TTN: variants seen among roughly 807,000 people sequenced by gnomAD.
The protein encoded by TTN is titin.
A neutral mutation model predicts 3,223.0 loss-of-function variants in TTN; 1,525 were observed. That is an observed-to-expected ratio of 0.47 (90% confidence interval 0.45 to 0.49). The LOEUF is 0.49. Among genes scored for constraint, TTN ranks in the 20% least tolerant of loss-of-function variants. The pLI, the probability that TTN is intolerant of heterozygous loss-of-function variation, is 0.00. For missense variants in TTN, 40,786 were observed against 43,424.0 expected (o/e 0.94, Z 5.40); for synonymous variants, 14,094 against 15,161.0 (o/e 0.93, Z 5.17).
Position 178,779,913 on chromosome 2 carries a change from C to G in TTN, c.3729+87G>C. 3.6e-6 allele frequency: 5 copies of G among 1,378,572 alleles called. No individual in the cohort carries two copies. The South Asian group carries it at 6.2e-5, about 17-fold the overall frequency. 85.4% of individuals were successfully genotyped at this position (1,378,572 alleles called of 1,614,324 possible). On this transcript the variant is annotated intron_variant, in intron 22 of 362. Coordinates refer to ENST00000589042, the MANE Select transcript of TTN (RefSeq NM_001267550.2). Reference sequence around the variant, plus strand: ...CTTCTAATAGCTGTCTAACCCCGAGCTCATCACTTGAAAATGAAAATATCA... The same window carrying G: ...CTTCTAATAGCTGTCTAACCCCGAGGTCATCACTTGAAAATGAAAATATCA...
rs1471268523 is a variant in TTN, at chr2:178,608,818, C to A, written c.52193G>T (p.Gly17398Val). 1.2e-6 allele frequency: 2 copies of A among 1,612,336 alleles called. No homozygotes were observed. Among genetic ancestry groups the A allele is most frequent in the African/African-American group, 2.7e-5 (2 of 74,830 alleles). ...CKWEPPLDDGGSEIINYTLEK... is the reference protein window; with the variant it reads ...CKWEPPLDDGVSEIINYTLEK... Reference sequence around the variant, plus strand: ...CAAAGTGTAGTTTATGATTTCACTGCCACCATCATCAAGGGGTGGTTCCCA... The same window carrying A: ...CAAAGTGTAGTTTATGATTTCACTGACACCATCATCAAGGGGTGGTTCCCA... The change falls in exon 274 of 363, where the codon GGC becomes GTC. Residue 17398 changes from glycine (G) to valine (V), a missense_variant. Physicochemically the swap from Gly to Val is moderately radical, Grantham distance 109. Coordinates refer to ENST00000589042, the MANE Select transcript of TTN (RefSeq NM_001267550.2).
At position 178,651,527 on chromosome 2, in the gene TTN, A is replaced by G. The variant is rs1553769611; in HGVS notation, c.39473T>C (p.Val13158Ala). The G allele has an allele frequency of 6.2e-7, 1 of 1,612,462 alleles. No individual in the cohort carries two copies. Among genetic ancestry groups the G allele is most frequent in the African/African-American group, 1.3e-5 (1 of 74,792 alleles). The change falls in exon 207 of 363, where the codon GTG becomes GCG. Residue 13158 changes from valine to alanine, a missense_variant. Physicochemically the swap from Val to Ala is moderately conservative, Grantham distance 64 (BLOSUM62 0). Transcript: ENST00000589042. ...PELPPVKVPE[V>A]PKEVVPEKKV... ...CTTTTCAGGAACAACCTCCTTGGGCACCTCGGGCACTATAAAAGATATTAG... is the reference window on the plus strand; with the variant it reads ...CTTTTCAGGAACAACCTCCTTGGGCGCCTCGGGCACTATAAAAGATATTAG...
At position 178,710,639 on chromosome 2, in the gene TTN, T is replaced by G. The variant is rs1462361905; in HGVS notation, c.28458A>C (p.Ile9486=). Reference sequence around the variant, plus strand: ...CACTTGCAAAATAAACGATACCTTTTATATTCAGCTGAGCTGTGCAAGAGT... The same window carrying G: ...CACTTGCAAAATAAACGATACCTTTGATATTCAGCTGAGCTGTGCAAGAGT... ...GKDSCTAQLN[I]KERLIPPSFT... Residue 9486 remains isoleucine, a synonymous_variant, in exon 98 of 363, where the codon ATA becomes ATC. Coordinates refer to ENST00000589042, the MANE Select transcript of TTN (RefSeq NM_001267550.2). 9 of 1,602,690 alleles carry G rather than the reference T, an allele frequency of 5.6e-6. No homozygotes were observed. Among genetic ancestry groups the G allele is most frequent in the Non-Finnish European group, 7.7e-6 (9 of 1,172,318 alleles).
chr2:178,673,984 A>C (rs1477213905), intron 151 of TTN, among the ~76,000 whole-genome samples: 1 of 151,778 alleles, frequency 6.6e-6, no homozygotes, highest in African/African-American at 2.4e-5. Context: ...GAACACTTTC[A>C]CCAGAGAAAT....
Position 178,579,637 on chromosome 2 carries a change from G to C in TTN, c.67560C>G (p.Thr22520=). 1 of 1,613,306 alleles carries C rather than the reference G, an allele frequency of 6.2e-7. No individual in the cohort carries two copies. Among genetic ancestry groups the C allele is most frequent in the Non-Finnish European group, 8.5e-7 (1 of 1,179,502 alleles). ...TTTCATTCTCAGCACTCACTCTGAA[G>C]GTATATTCCTTCCCTTCAGTCAAAT... ...AKDLTEGKEY[T]FRVSAENENG... The change falls in exon 319 of 363, where the codon ACC becomes ACG. Residue 22520 remains threonine, a synonymous_variant. Transcript: ENST00000589042.
chr2:178,782,059 A>C (rs1468899747), intron 20 of TTN, among the ~76,000 whole-genome samples, 153 bp downstream of exon 20: 1 of 152,016 alleles, frequency 6.6e-6, no homozygotes, highest in Admixed American at 6.6e-5. Context: ...GACTTTGCAC[A>C]AAAAAAATGT....
In TTN at chr2:178,593,632, A is replaced by C; in HGVS notation, c.58668T>G (p.Ala19556=). The C allele has an allele frequency of 1.2e-6, 2 of 1,613,020 alleles. No homozygotes were observed. Among genetic ancestry groups the C allele is most frequent in the Middle Eastern group, 1.7e-4 (1 of 6,050 alleles). ...GATCACTTATTCCATACAGATTTTC[A>C]GCATGTATCCGGAAAATATAATCTT... ...EGKDYIFRIH[A]ENLYGISDPL... is the part of the protein sequence containing the mutation. Residue 19556 remains alanine, a synonymous_variant, in exon 298 of 363, where the codon GCT becomes GCG. Transcript: ENST00000589042.
In TTN at chr2:178,552,300, T is replaced by C. The variant is rs753909008; in HGVS notation, c.90600A>G (p.Gly30200=). The change falls in exon 335 of 363, where the codon GGA becomes GGG. Residue 30200 remains glycine, a synonymous_variant. Coordinates refer to ENST00000589042, the MANE Select transcript of TTN (RefSeq NM_001267550.2). ...CATTATCAAGAATAACAGTGTATTT[T>C]CCTCCATGCTCCTTCTTGGCATTCT... ...SIKNAKKEHG[G]KYTVILDNAV... is the part of the protein sequence containing the mutation. The C allele has an allele frequency of 1.2e-6, 2 of 1,612,650 alleles. No homozygotes were observed. The highest frequency in any genetic ancestry group is 2.2e-5 in the East Asian group (1 of 44,850).
Position 178,689,277 on chromosome 2 carries a change from G to A in TTN, c.32011+13C>T, listed in dbSNP as rs780989519. ...ACATAAAGACAGTTCTTGGGAAGATGGAGAAACAATACCTTTTGGTGGTGG... is the reference window on the plus strand; with the variant it reads ...ACATAAAGACAGTTCTTGGGAAGATAGAGAAACAATACCTTTTGGTGGTGG... On this transcript the variant is annotated intron_variant, in intron 124 of 362. Coordinates refer to ENST00000589042, the MANE Select transcript of TTN (RefSeq NM_001267550.2). The A allele has an allele frequency of 7.5e-6, 12 of 1,609,724 alleles. No homozygotes were observed. The South Asian group carries it at 1.1e-4, about 15-fold the overall frequency.
Position 178,532,674 on chromosome 2 carries a change from GTAA to G in TTN, c.103938_103940del (p.Tyr34648del), listed in dbSNP as rs749735421. ...CAAGAGAACGTCTTCTAGGTCGGTA[GTAA>G]AAGTCATAATCAGGAGAAGGTGTAC... On this transcript the variant is annotated inframe_deletion, in exon 358 of 363. Coordinates refer to ENST00000589042, the MANE Select transcript of TTN (RefSeq NM_001267550.2). 1.7e-5 allele frequency: 27 copies of G among 1,613,856 alleles called. No homozygotes were observed. The African/African-American group carries it at 3.3e-4, about 20-fold the overall frequency.
In TTN at chr2:178,543,337, G is replaced by A. The variant is rs760212356; in HGVS notation, c.96636C>T (p.Val32212=). ...GGGTAACAGTGGATTTGGTGACATCGACCACTTCTAGCTTTGCAGGCACCA... is the reference window on the plus strand; with the variant it reads ...GGGTAACAGTGGATTTGGTGACATCAACCACTTCTAGCTTTGCAGGCACCA... ...VPLVPAKLEV[V]DVTKSTVTLA... Residue 32212 remains valine, a synonymous_variant, in exon 347 of 363, where the codon GTC becomes GTT. Coordinates refer to ENST00000589042, the MANE Select transcript of TTN (RefSeq NM_001267550.2). 1.9e-6 allele frequency: 3 copies of A among 1,613,764 alleles called. No individual in the cohort carries two copies. Among genetic ancestry groups the A allele is most frequent in the Non-Finnish European group, 1.7e-6 (2 of 1,179,790 alleles).
At chr2:178,756,152 T>C in intron 46 of TTN, 70 bp downstream of exon 46, 2 of 1,157,908 alleles carry the variant, frequency 1.7e-6, no homozygotes, top group South Asian at 3.0e-5. Context: ...CGATTGAATT[T>C]GCATGGCAGA....
intron 216 of TTN, 90 bp downstream of exon 216, chr2:178,646,395 G>T: frequency 2.4e-6 from 2 of 838,898 alleles, no homozygotes; most frequent in Non-Finnish European, 1.9e-6. Context: ...AATGGGAACA[G>T]ACATACTACA....
Position 178,741,645 on chromosome 2 carries a change from G to T in TTN, c.11588C>A (p.Ser3863Tyr). 6.2e-7 allele frequency: 1 copy of T among 1,613,866 alleles called. No individual in the cohort carries two copies. Among genetic ancestry groups the T allele is most frequent in the South Asian group, 1.1e-5 (1 of 91,086 alleles). ...GTCAAAAACAAATTTGTAGTCAGCA[G>T]AAGGGGTTAATAGCACTCCATTAAA... ...WFFNGVLLTP[S>Y]ADYKFVFDGD... is the part of the protein sequence containing the mutation. The change falls in exon 48 of 363, where the codon TCT becomes TAT. Residue 3863 changes from serine to tyrosine, a missense_variant. By Grantham distance (144) the Ser-to-Tyr change is moderately radical (BLOSUM62 -2). Transcript: ENST00000589042.
chr2:178,792,276 A>G, intron 9 of TTN, 79 bp from the exon 10 acceptor site: 4 of 1,426,410 alleles, frequency 2.8e-6, no homozygotes, highest in Non-Finnish European at 3.8e-6. Context: ...ATATAACAAC[A>G]TAGGAATTTG....
Position 178,597,527 on chromosome 2 carries a change from A to G in TTN, c.57544+11T>C. On this transcript the variant is annotated intron_variant, in intron 294 of 362. Coordinates refer to ENST00000589042, the MANE Select transcript of TTN (RefSeq NM_001267550.2). Reference sequence around the variant, plus strand: ...TTTAAAAAGTTGCACAGACAAATTGAAAGTATTTACCTAATACATCAACAA... The same window carrying G: ...TTTAAAAAGTTGCACAGACAAATTGGAAGTATTTACCTAATACATCAACAA... The G allele has an allele frequency of 6.2e-7, 1 of 1,604,938 alleles. No individual in the cohort carries two copies.
chr2:178,563,727 G>C lies in TTN; in HGVS notation c.82405C>G (p.Pro27469Ala), dbSNP rs769678793. The C allele has an allele frequency of 9.9e-6, 16 of 1,613,694 alleles. No individual in the cohort carries two copies. In the East Asian group the frequency reaches 2.7e-4, roughly 27 times the overall value. ...TCAGGTGTTGAGGGAGGACCTGGTG[G>C]CTTATAAGGATTACAGGCCGTAACA... ...GPVTACNPYK[P>A]PGPPSTPEVS... Residue 27469 changes from proline to alanine, a missense_variant, in exon 326 of 363, where the codon CCA becomes GCA. Pro to Ala is a conservative substitution (Grantham distance 27). Transcript: ENST00000589042. This position sits in a 1 kb window ranked among gnomAD's most constrained non-coding sequence, Gnocchi z 4.5.
chr2:178,745,510 G>T, intron 47 of TTN: 1 of 1,581,854 alleles, frequency 6.3e-7, no homozygotes, highest in Non-Finnish European at 8.6e-7. Flanking sequence ...AAGTTTATTA[G>T]ATCCACATAA....
Position 178,555,025 on chromosome 2 carries a change from A to G in TTN, c.88434T>C (p.Asp29478=). 1 of 1,613,686 alleles carries G rather than the reference A, an allele frequency of 6.2e-7. No individual in the cohort carries two copies. Among genetic ancestry groups the G allele is most frequent in the South Asian group, 1.1e-5 (1 of 91,068 alleles). ...CCAGTGCATTGGTTTGTAATTCTTT[A>G]TCATCTTTATACCACTCAATAGTAG... ...PAPTIEWYKD[D]KELQTNALVC... The change falls in exon 331 of 363, where the codon GAT becomes GAC. Residue 29478 remains aspartate (D), a synonymous_variant. Coordinates refer to ENST00000589042, the MANE Select transcript of TTN (RefSeq NM_001267550.2).
Sources: allele counts gnomAD v4.1 joint callset (sites outside exome capture counted in the v4.1 genomes callset), GRCh38; gene constraint gnomAD v4.1.1; non-coding constraint Gnocchi (gnomAD v3.1); transcripts MANE v1.5; gene names NCBI Gene and HGNC (gene_info 2026-07-23, HGNC 2026-07-21).